The following RERG variants were observed in gnomAD, a reference collection of about 807,000 sequenced individuals.
RERG encodes the protein RAS like estrogen regulated growth inhibitor.
RERG carries 25 observed loss-of-function variants against 23.2 expected under a neutral mutation model. The ratio of observed to expected loss-of-function variants is 1.08; its 90% confidence interval spans 0.79 to 1.50. RERG has a LOEUF of 1.50. RERG is among the 40% of genes most tolerant of loss of function. The probability of loss-of-function intolerance (pLI) is 0.00; values close to 1 mark genes in which losing one functional copy is unlikely to be tolerated. For synonymous variants in RERG, 81 were observed against 89.1 expected, an observed-to-expected ratio of 0.91 and a Z score of 0.51; for missense variants, 253 against 250.1, an observed-to-expected ratio of 1.01 and a Z score of -0.08.
chr12:15,124,179 T>C (rs7306438), intron 2 of RERG, among the ~76,000 whole-genome samples: 74,815 of 151,864 alleles, frequency 0.49, 19,076 homozygotes, highest in Admixed American at 0.61. Context: ...TGATATTCCA[T>C]TCATAAGTAA....
At chr12:15,173,734 ATTG>A (rs1864807730) in intron 2 of RERG, among the ~76,000 whole-genome samples, 1 of 151,666 alleles carries the variant, frequency 6.6e-6, no homozygotes, top group East Asian at 1.9e-4. Flanking sequence ...TTTTTATTCT[ATTG>A]TTAATAAAAT....
chr12:15,110,622 G>A (rs755368567), intron 4 of RERG, among the ~76,000 whole-genome samples: 12 of 151,884 alleles, frequency 7.9e-5, no homozygotes, highest in Non-Finnish European at 1.6e-4. Context: ...GGGACTACAG[G>A]CGCCCACCAC....
At chr12:15,145,813 A>G (rs1198106555) in intron 2 of RERG, among the ~76,000 whole-genome samples, 1 of 152,278 alleles carries the variant, frequency 6.6e-6, no homozygotes, top group Non-Finnish European at 1.5e-5. Flanking sequence ...TTTTAGGCTG[A>G]ATTCACGTAA....
In RERG at chr12:15,111,411, G is replaced by C. The variant is rs145971018; in HGVS notation, c.125C>G (p.Thr42Ser). Reference protein sequence around the residue: ...IWEYDPTLESTYRHQATIDDE... With the variant: ...IWEYDPTLESSYRHQATIDDE... ...ATCGATGGTTGCTTGGTGTCGGTAG[G>C]TTGATTCTAAGGGAATGAGCAAATA... The change falls in exon 4 of 5, where the codon ACC becomes AGC. Residue 42 changes from threonine to serine, a missense_variant. Thr to Ser is a moderately conservative substitution (Grantham distance 58, BLOSUM62 1). Transcript: ENST00000256953. The C allele has an allele frequency of 2.6e-4, 422 of 1,612,454 alleles. 2 individuals carry two copies. Among genetic ancestry groups the C allele is most frequent in the Non-Finnish European group, 4.4e-5 (52 of 1,178,878 alleles).
chr12:15,196,788 G>A (rs1478564500), intron 2 of RERG, among the ~76,000 whole-genome samples: 1 of 152,084 alleles, frequency 6.6e-6, no homozygotes, highest in Admixed American at 6.6e-5. Flanking sequence ...GAGAGGAAAG[G>A]CTATTCTTAA....
At chr12:15,117,297 TA>T (rs1863740320) in intron 3 of RERG, among the ~76,000 whole-genome samples, 1 of 152,176 alleles carries the variant, frequency 6.6e-6, no homozygotes, top group Non-Finnish European at 1.5e-5. Context: ...TAATTTTGAT[TA>T]AATTTACTTC....
chr12:15,158,530 C>G (rs1187063118), intron 2 of RERG, among the ~76,000 whole-genome samples: 1 of 152,144 alleles, frequency 6.6e-6, no homozygotes, highest in East Asian at 1.9e-4. Flanking sequence ...GATCCACCTA[C>G]CTCGGCCTCC....
Position 15,109,165 on chromosome 12 carries a change from G to T in RERG, c.545C>A (p.Ser182Tyr). ...MVQGKTRRRSSTTHVKQAINK... is the reference protein window; with the variant it reads ...MVQGKTRRRSYTTHVKQAINK... ...AATGGCTTGCTTGACATGCGTGGTG[G>T]AGCTGCGTCGCCTCGTCTTGCCCTG... Residue 182 changes from serine (S) to tyrosine (Y), a missense_variant, in exon 5 of 5, where the codon TCC (serine) becomes TAC (tyrosine). Ser to Tyr is a moderately radical substitution (Grantham distance 144). Transcript: ENST00000256953. 6.2e-7 allele frequency: 1 copy of T among 1,609,194 alleles called. No homozygotes were observed. The highest frequency in any genetic ancestry group is 1.1e-5 in the South Asian group (1 of 89,982).
chr12:15,194,983 T>C (rs73306764), intron 2 of RERG, among the ~76,000 whole-genome samples: 1 of 152,106 alleles, frequency 6.6e-6, no homozygotes, highest in Non-Finnish European at 1.5e-5. Context: ...TTTCCATTTG[T>C]TTTGTTTTCT....
chr12:15,208,262 GTGTA>G (rs1388453629), intron 2 of RERG, among the ~76,000 whole-genome samples: 2 of 152,152 alleles, frequency 1.3e-5, no homozygotes, highest in Non-Finnish European at 2.9e-5. Context: ...GTGTGTGTGT[GTGTA>G]TTCTATTGGT....
chr12:15,155,284 T>A (rs1864505481), intron 2 of RERG: 1 of 151,812 alleles, frequency 6.6e-6, no homozygotes, highest in African/African-American at 2.4e-5. Context: ...TGTTGGAAAA[T>A]AAAGGATTAA....
intron 2 of RERG, among the ~76,000 whole-genome samples, chr12:15,184,523 C>T (rs982759804): frequency 2.0e-5 from 3 of 152,104 alleles, no homozygotes; most frequent in African/African-American, 7.2e-5. Flanking sequence ...GTAAACTTTT[C>T]CCCCCACTTA....
Position 15,109,415 on chromosome 12 carries a change from T to A in RERG, c.295A>T (p.Lys99Ter), listed in dbSNP as rs780125717. The change falls in exon 5 of 5, where the codon AAG becomes TAG. Residue 99 changes from lysine to a stop codon, truncating the protein, a stop_gained. Transcript: ENST00000256953. LOFTEE classifies it high-confidence loss of function. ...RGSFEEVLPL[K>*]NILDEIKKPK... The stretch of plus-strand genomic sequence containing the variant: ...TTTTTGATCTCATCTAGGATGTTCT[T>A]AAGTGGCAGCACTTCCTCAAAACTT... 6.8e-6 allele frequency: 11 copies of A among 1,614,062 alleles called. No homozygotes were observed. Among genetic ancestry groups the A allele is most frequent in the Non-Finnish European group, 9.3e-6 (11 of 1,179,992 alleles).
chr12:15,124,576 T>C (rs1205376245), intron 2 of RERG, among the ~76,000 whole-genome samples: 3 of 152,084 alleles, frequency 2.0e-5, no homozygotes, highest in African/African-American at 4.8e-5. Context: ...ATAATGCAAT[T>C]TTTTTCTAAG....
intron 2 of RERG, among the ~76,000 whole-genome samples, chr12:15,124,601 G>A (rs1450867294): frequency 6.6e-6 from 1 of 151,954 alleles, no homozygotes; most frequent in Non-Finnish European, 1.5e-5. Flanking sequence ...TTAAGCATAT[G>A]TAACCTCCTA....
intron 2 of RERG, among the ~76,000 whole-genome samples, chr12:15,149,322 T>C (rs901197899): frequency 6.6e-6 from 1 of 152,192 alleles, no homozygotes; most frequent in African/African-American, 2.4e-5. Context: ...GACTGAATTC[T>C]GATACTTAAT....
chr12:15,126,109 T>C (rs941256349), intron 2 of RERG, among the ~76,000 whole-genome samples: 2 of 133,242 alleles, frequency 1.5e-5, no homozygotes, highest in Admixed American at 8.0e-5. Context: ...AAAAATTCCA[T>C]GGAGAATGTT....
rs869218147 is a variant in RERG at position 15,110,463 on chromosome 12, C to CTTTTTTTTTTTTTTTTTTT, written c.192+862_192+880dup. Among the ~76,000 whole-genome samples, 90 of 73,144 alleles carry CTTTTTTTTTTTTTTTTTTT rather than the reference C, an allele frequency of 1.2e-3. 22 individuals carry two copies. Among genetic ancestry groups the CTTTTTTTTTTTTTTTTTTT allele is most frequent in the African/African-American group, 3.8e-3 (64 of 16,780 alleles). The allele number at this position is 73,144 out of a possible 152,430, so 48.0% of individuals were successfully genotyped here. ...CTGTCATTCCAGTGGCCATTTTTTT[C>CTTTTTTTTTTTTTTTTTTT]TTTTTTTTTTTTTTTTTTTTTTTTT... On this transcript the variant is annotated intron_variant, in intron 4 of 4. Transcript: ENST00000256953.
intron 2 of RERG, among the ~76,000 whole-genome samples, chr12:15,190,492 G>T (rs1414603813): frequency 6.6e-6 from 1 of 152,106 alleles, no homozygotes; most frequent in Non-Finnish European, 1.5e-5. Flanking sequence ...CATTGGTAAT[G>T]GGTTATGTAC....
Sources: allele counts gnomAD v4.1 joint callset (sites outside exome capture counted in the v4.1 genomes callset), GRCh38; gene constraint gnomAD v4.1.1; transcripts MANE v1.5; gene names NCBI Gene and HGNC (gene_info 2026-07-23, HGNC 2026-07-21).